The following BSN variants were observed in gnomAD, a reference collection of about 807,000 sequenced individuals.
BSN encodes bassoon presynaptic cytomatrix protein, also known as protein bassoon.
Under a neutral mutation model 264.8 loss-of-function variants are expected in BSN, and 57 were observed. The observed-to-expected ratio is 0.22, with a 90% CI of 0.17 to 0.27. The LOEUF (loss-of-function observed/expected upper bound fraction) is 0.27, where lower values mean the gene tolerates loss of function less well. Ranked by LOEUF, BSN falls within the 10% of genes least tolerant of loss-of-function variation. The pLI is 1.00. For missense variants in BSN, 4,615 were observed against 5,232.5 expected (o/e 0.88, Z 3.64); for synonymous variants, 2,059 against 2,137.3 (o/e 0.96, Z 1.01).
chr3:49,595,401 C>T (rs2052014849), intron 1 of BSN, among the ~76,000 whole-genome samples: 4 of 150,416 alleles, frequency 2.7e-5, no homozygotes, highest in African/African-American at 9.8e-5. Context: ...CATGTTGAGG[C>T]TGGTCTTGAA....
intron 1 of BSN, among the ~76,000 whole-genome samples, chr3:49,592,553 A>G (rs1197059265): frequency 6.6e-6 from 1 of 150,672 alleles, no homozygotes; most frequent in Admixed American, 6.6e-5. Flanking sequence ...GGAGATGGAG[A>G]CTATCCTGGC....
chr3:49,586,932 T>TA (rs1186930594), intron 1 of BSN, among the ~76,000 whole-genome samples: 3 of 152,120 alleles, frequency 2.0e-5, no homozygotes, highest in African/African-American at 7.2e-5. Context: ...GATTTTTTTT[T>TA]ATTCTGTGAA....
intron 2 of BSN, among the ~76,000 whole-genome samples, chr3:49,636,921 T>G (rs113167239): frequency 6.6e-5 from 10 of 152,242 alleles, no homozygotes; most frequent in Non-Finnish European, 1.3e-4. Flanking sequence ...GGCCTGTCCT[T>G]GTTGTCCAGG....
intron 1 of BSN, among the ~76,000 whole-genome samples, chr3:49,569,865 C>T (rs1055655897): frequency 6.6e-6 from 1 of 152,134 alleles, no homozygotes; most frequent in Non-Finnish European, 1.5e-5. Flanking sequence ...AGGGTGTTGG[C>T]CTTCAGCTGG....
chr3:49,655,085 G>T lies in BSN; in HGVS notation c.5529G>T (p.Arg1843=). 1 of 1,612,916 alleles carries T rather than the reference G, an allele frequency of 6.2e-7. No homozygotes were observed. ...PVPEPGAEPH[R]ATPAELRSHA... ...CAGAGCCAGGTGCCGAGCCCCACCG[G>T]GCCACCCCTGCAGAGCTGCGGTCAC... Residue 1843 remains arginine (R), a synonymous_variant, in exon 5 of 12, where the codon CGG becomes CGT. Transcript: ENST00000296452.
Position 49,652,643 on chromosome 3 carries a change from C to T in BSN, c.3087C>T (p.Ser1029=). The T allele has an allele frequency of 1.2e-6, 2 of 1,609,246 alleles. No homozygotes were observed. Among genetic ancestry groups the T allele is most frequent in the South Asian group, 1.1e-5 (1 of 90,510 alleles). Residue 1029 remains serine (S), a synonymous_variant, in exon 5 of 12, where the codon TCC becomes TCT. Coordinates refer to ENST00000296452, the MANE Select transcript of BSN (RefSeq NM_003458.4). ...AGCAGCGCAAGGCCCGGCACCGCTC[C>T]CACGGGCCCCTGCTACCCACCATCG... is the stretch of plus-strand genomic sequence containing the variant. ...AKQQRKARHR[S]HGPLLPTIED... is the part of the protein sequence containing the mutation.
intron 3 of BSN, among the ~76,000 whole-genome samples, chr3:49,644,728 G>A (rs1378396303): frequency 6.6e-6 from 1 of 152,214 alleles, no homozygotes; most frequent in African/African-American, 2.4e-5. Context: ...GTGAGCCCCA[G>A]TGGACTTCTG....
chr3:49,625,325 A>C lies in BSN; in HGVS notation c.575A>C (p.Gln192Pro). 1 of 1,580,910 alleles carries C rather than the reference A, an allele frequency of 6.3e-7. No individual in the cohort carries two copies. The highest frequency in any genetic ancestry group is 8.6e-7 in the Non-Finnish European group (1 of 1,164,736). ...CAGCCAAACTTCAACACCTGCACCC[A>C]GTGTCACAACAAGGTCTGCAACCAG... The part of the protein sequence containing the change: ...PSQPNFNTCT[Q>P]CHNKVCNQCG... The change falls in exon 2 of 12, where the codon CAG (glutamine) becomes CCG (proline). Residue 192 changes from glutamine to proline, a missense_variant. By Grantham distance (76) the Gln-to-Pro change is moderately conservative. This residue lies in a region of BSN where 1,197 missense variants were observed against 1,348.0 expected (regional missense o/e 0.89). Transcript: ENST00000296452. This position sits in a 1 kb window ranked among gnomAD's most constrained non-coding sequence, Gnocchi z 4.4.
chr3:49,554,611 C>T lies in BSN; in HGVS notation c.9C>T (p.Asn3=), dbSNP rs2051648387. The part of the protein sequence containing the change: MG[N]EVSLEGGAGD... ...CCGCCCGCCTGCCCGCCATGGGCAA[C>T]GAGGTCAGCCTGGAGGGCGGCGCTG... Residue 3 remains asparagine (N), a synonymous_variant, in exon 1 of 12, where the codon AAC becomes AAT. Coordinates refer to ENST00000296452, the MANE Select transcript of BSN (RefSeq NM_003458.4). 2 of 987,952 alleles carry T rather than the reference C, an allele frequency of 2.0e-6. No homozygotes were observed. The highest frequency in any genetic ancestry group is 4.4e-5 in the South Asian group (1 of 22,546). The allele number at this position is 987,952 out of a possible 1,614,324, so 61.2% of individuals were successfully genotyped here.
chr3:49,612,287 C>T (rs544994375), intron 1 of BSN, among the ~76,000 whole-genome samples: 9 of 152,326 alleles, frequency 5.9e-5, no homozygotes, highest in East Asian at 1.9e-4. Flanking sequence ...AGGCGCATGC[C>T]GCCATGCCTG....
At chr3:49,646,468 G>A (rs909204494) in intron 3 of BSN, among the ~76,000 whole-genome samples, 2 of 152,226 alleles carry the variant, frequency 1.3e-5, no homozygotes, top group Non-Finnish European at 2.9e-5. Context: ...GATACATGGG[G>A]CTGGGCTTGC....
chr3:49,654,585 A>G lies in BSN; in HGVS notation c.5029A>G (p.Ile1677Val), dbSNP rs2052578233. The change falls in exon 5 of 12, where the codon ATC (isoleucine) becomes GTC (valine). Residue 1677 changes from isoleucine to valine, a missense_variant. This residue lies in a region of BSN where 3,415 missense variants were observed against 3,866.4 expected (regional missense o/e 0.88). Transcript: ENST00000296452. This position sits in a 1 kb window ranked among gnomAD's most constrained non-coding sequence, Gnocchi z 4.1. The part of the protein sequence containing the change: ...DLRTAVKPTP[I>V]ILTDQGMDLT... ...CCGTACAGCTGTCAAGCCCACTCCC[A>G]TCATCCTCACTGACCAGGGCATGGA... 6.2e-7 allele frequency: 1 copy of G among 1,612,288 alleles called. No homozygotes were observed. Among genetic ancestry groups the G allele is most frequent in the African/African-American group, 1.3e-5 (1 of 74,888 alleles).
chr3:49,625,316 C>T lies in BSN; in HGVS notation c.566C>T (p.Thr189Ile), dbSNP rs773807379. The change falls in exon 2 of 12, where the codon ACC (threonine) becomes ATC (isoleucine). Residue 189 changes from threonine (T) to isoleucine (I), a missense_variant. Transcript: ENST00000296452. The surrounding 1 kb of genome is among the most constrained non-coding windows in gnomAD (Gnocchi z 4.4). ...TSTPSQPNFNTCTQCHNKVCN... is the reference protein window; with the variant it reads ...TSTPSQPNFNICTQCHNKVCN... Reference sequence around the variant, plus strand: ...ACCCCCAGCCAGCCAAACTTCAACACCTGCACCCAGTGTCACAACAAGGTC... The same window carrying T: ...ACCCCCAGCCAGCCAAACTTCAACATCTGCACCCAGTGTCACAACAAGGTC... 5 of 1,590,652 alleles carry T rather than the reference C, an allele frequency of 3.1e-6. No homozygotes were observed. The highest frequency in any genetic ancestry group is 4.3e-6 in the Non-Finnish European group (5 of 1,168,918).
chr3:49,651,799 C>T lies in BSN; in HGVS notation c.2243C>T (p.Pro748Leu). ...CTGGCCCCAAGTGAGCGGAGCAAGC[C>T]ACTCTCCAGCGGTACTGGCGAGGAG... The part of the protein sequence containing the change: ...QGLAPSERSK[P>L]LSSGTGEEQK... Residue 748 changes from proline to leucine, a missense_variant, in exon 5 of 12, where the codon CCA becomes CTA. Pro to Leu is a moderately conservative substitution (Grantham distance 98, BLOSUM62 -3). Around this residue, in one of 3 missense-constraint regions of BSN, gnomAD observed 1,197 missense variants for 1,348.0 expected, o/e 0.89. Coordinates refer to ENST00000296452, the MANE Select transcript of BSN (RefSeq NM_003458.4). This position sits in a 1 kb window ranked among gnomAD's most constrained non-coding sequence, Gnocchi z 5.4. 6.2e-7 allele frequency: 1 copy of T among 1,613,752 alleles called. No homozygotes were observed. The highest frequency in any genetic ancestry group is 8.5e-7 in the Non-Finnish European group (1 of 1,180,034).
chr3:49,656,945 GC>G lies in BSN; in HGVS notation c.7390del (p.Gln2464SerfsTer3). The G allele has an allele frequency of 4.4e-6, 7 of 1,602,546 alleles. No individual in the cohort carries two copies. Among genetic ancestry groups the G allele is most frequent in the Non-Finnish European group, 6.0e-6 (7 of 1,173,658 alleles). On this transcript the variant is annotated frameshift_variant, in exon 5 of 12. Coordinates refer to ENST00000296452, the MANE Select transcript of BSN (RefSeq NM_003458.4). LOFTEE classifies it high-confidence loss of function. The stretch of plus-strand genomic sequence containing the variant: ...TCCAGCAGCTGCAGCAGCAGCTGCA[GC>G]AGCAGCTAGAGGAGCAGAAGCAGCG... Reference protein sequence around the residue: ...QIQQLQQQLQQQLEEQKQRQK... With the variant: ...QIQQLQQQLQXQLEEQKQRQK...
intron 1 of BSN, among the ~76,000 whole-genome samples, chr3:49,575,921 GAAT>G (rs2051842505): frequency 6.6e-6 from 1 of 151,876 alleles, no homozygotes; most frequent in Non-Finnish European, 1.5e-5. Flanking sequence ...AACCTATTGT[GAAT>G]ATACACACGC....
intron 3 of BSN, among the ~76,000 whole-genome samples, chr3:49,647,403 C>T (rs1269436524): frequency 6.6e-6 from 1 of 152,230 alleles, no homozygotes; most frequent in African/African-American, 2.4e-5. Context: ...GAATTTGTAT[C>T]TTCCTGCCCT....
rs2052538876 is a variant in BSN, at chr3:49,651,171, C to T, written c.1986+92C>T. On this transcript the variant is annotated intron_variant, in intron 4 of 11. Transcript: ENST00000296452. This position sits in a 1 kb window ranked among gnomAD's most constrained non-coding sequence, Gnocchi z 5.4. ...CCCTGGGTGGCTGAGGCTGTAGGCT[C>T]AGGACAGGTGCCTTGGGGCCACACA... 19 of 1,299,480 alleles carry T rather than the reference C, an allele frequency of 1.5e-5. No homozygotes were observed. The South Asian group carries it at 2.0e-4, about 14-fold the overall frequency. 80.5% of individuals were successfully genotyped at this position (1,299,480 alleles called of 1,614,324 possible).
rs544891621 is a variant in BSN at position 49,589,624 on chromosome 3, A to G, written c.224+34798A>G. Among the ~76,000 whole-genome samples, 23 of 148,812 alleles carry G rather than the reference A, an allele frequency of 1.5e-4. No individual in the cohort carries two copies. The Middle Eastern group carries it at 0.011, about 68-fold the overall frequency. ...CAGGTTCAAGCGATTCTCCTGCCTC[A>G]GCCTCCCAAGTAGCTGTGACTACAG... On this transcript the variant is annotated intron_variant, in intron 1 of 11. Transcript: ENST00000296452.
Sources: allele counts gnomAD v4.1 joint callset (sites outside exome capture counted in the v4.1 genomes callset), GRCh38; gene constraint gnomAD v4.1.1; regional missense constraint gnomAD v4.1.1; non-coding constraint Gnocchi (gnomAD v3.1); transcripts MANE v1.5; gene names NCBI Gene and HGNC (gene_info 2026-07-23, HGNC 2026-07-21).